Variants in SOX10 observed in about 807,000 individuals in gnomAD.
SOX10 encodes the protein transcription factor SOX-10.
A neutral mutation model predicts 35.0 loss-of-function variants in SOX10; 3 were observed. The ratio of observed to expected loss-of-function variants is 0.09; its 90% confidence interval spans 0.04 to 0.22. The LOEUF (loss-of-function observed/expected upper bound fraction) is 0.22. Among genes scored for constraint, SOX10 ranks in the 10% least tolerant of loss-of-function variants. The probability of loss-of-function intolerance (pLI) is 1.00; values close to 1 mark genes in which losing one functional copy is unlikely to be tolerated. For synonymous variants in SOX10, 285 were observed against 291.0 expected, an observed-to-expected ratio of 0.98 and a Z score of 0.21; for missense variants, 436 against 655.1, an observed-to-expected ratio of 0.67 and a Z score of 3.65.
In SOX10 at chr22:37,973,475, T is replaced by A; in HGVS notation, c.*20A>T. 6.9e-7 allele frequency: 1 copy of A among 1,458,024 alleles called. No homozygotes were observed. Among genetic ancestry groups the A allele is most frequent in the Non-Finnish European group, 9.3e-7 (1 of 1,074,026 alleles). 90.3% of individuals were successfully genotyped at this position (1,458,024 alleles called of 1,614,324 possible). ...CTGGGGGCAGGGGCTGGGCGGGGGG[T>A]GGTGGCGACAGGGCCCCCTTTAGGG... is the stretch of plus-strand genomic sequence containing the variant. On this transcript the variant is annotated 3_prime_UTR_variant, in exon 4 of 4. Coordinates refer to ENST00000396884, the MANE Select transcript of SOX10 (RefSeq NM_006941.4).
In SOX10 at chr22:37,974,241, C is replaced by G. The variant is rs774047263; in HGVS notation, c.698-43G>C. On this transcript the variant is annotated intron_variant, in intron 3 of 3. Transcript: ENST00000396884. The surrounding 1 kb of genome is among the most constrained non-coding windows in gnomAD (Gnocchi z 5.4). ...AGAGAGAGAGAGCGCAAGGGGGAAG[C>G]AGGTTAGAGGCAGGTGGGCGCACGT... 1 of 1,497,690 alleles carries G rather than the reference C, an allele frequency of 6.7e-7. No homozygotes were observed. 92.8% of individuals were successfully genotyped at this position (1,497,690 alleles called of 1,614,324 possible).
chr22:37,978,056 C>A lies in SOX10; in HGVS notation c.508G>T (p.Asp170Tyr). 1 of 1,610,450 alleles carries A rather than the reference C, an allele frequency of 6.2e-7. No individual in the cohort carries two copies. The highest frequency in any genetic ancestry group is 8.5e-7 in the Non-Finnish European group (1 of 1,179,056). ...CGCCGCCTGGGCTGGTACTTGTAGT[C>A]CGGGTGGTCTTTCTTGTGCTGCATA... ...LRMQHKKDHP[D>Y]YKYQPRRRKN... Residue 170 changes from aspartate (D) to tyrosine (Y), a missense_variant, in exon 3 of 4, where the codon GAC becomes TAC. Coordinates refer to ENST00000396884, the MANE Select transcript of SOX10 (RefSeq NM_006941.4). This position sits in a 1 kb window ranked among gnomAD's most constrained non-coding sequence, Gnocchi z 5.0.
intron 2 of SOX10, among the ~76,000 whole-genome samples, chr22:37,979,668 A>C (rs1168939835): frequency 1.3e-5 from 2 of 152,084 alleles, no homozygotes; most frequent in Non-Finnish European, 2.9e-5. Flanking sequence ...GGAGAGAAGA[A>C]GCCCTGAAGC....
intron 2 of SOX10, among the ~76,000 whole-genome samples, chr22:37,979,323 C>G (rs184845501): frequency 3.2e-4 from 48 of 152,224 alleles, no homozygotes; most frequent in African/African-American, 1.1e-3. Context: ...GTCTCCAACT[C>G]CTGACCTCAG....
chr22:37,977,377 G>C (rs1932252887), intron 3 of SOX10, among the ~76,000 whole-genome samples: 1 of 151,042 alleles, frequency 6.6e-6, no homozygotes, highest in East Asian at 2.0e-4. Context: ...CTGGAGTGCA[G>C]TGGCGCGATC....
In SOX10 at chr22:37,983,928, A is replaced by G; in HGVS notation, c.-84-60T>C. On this transcript the variant is annotated intron_variant, in intron 1 of 3. Coordinates refer to ENST00000396884, the MANE Select transcript of SOX10 (RefSeq NM_006941.4). This position sits in a 1 kb window ranked among gnomAD's most constrained non-coding sequence, Gnocchi z 9.5. ...CGCGCAGCCCCGAGGGCGGCCCGAG[A>G]CAGGACGTGGGCACAGCCCCGAGGT... 1.7e-6 allele frequency: 1 copy of G among 582,160 alleles called. No homozygotes were observed. The highest frequency in any genetic ancestry group is 2.5e-6 in the Non-Finnish European group (1 of 398,448). 36.1% of individuals were successfully genotyped at this position (582,160 alleles called of 1,614,324 possible).
intron 2 of SOX10, among the ~76,000 whole-genome samples, chr22:37,981,402 C>T (rs930150529): frequency 2.0e-5 from 3 of 152,224 alleles, no homozygotes; most frequent in African/African-American, 7.2e-5. Flanking sequence ...ATTGGGTCCT[C>T]AGCAAGTAGT....
At chr22:37,982,913 CT>C (rs1159323714) in intron 2 of SOX10, among the ~76,000 whole-genome samples, 3 of 152,212 alleles carry the variant, frequency 2.0e-5, no homozygotes, top group African/African-American at 7.2e-5. Context: ...TAAACCTCCC[CT>C]GAGTTCTCCA....
rs750082298 is a variant in SOX10, at chr22:37,983,835, C to T, written c.-51G>A. On this transcript the variant is annotated 5_prime_UTR_variant, in exon 2 of 4. Coordinates refer to ENST00000396884, the MANE Select transcript of SOX10 (RefSeq NM_006941.4). The surrounding 1 kb of genome is among the most constrained non-coding windows in gnomAD (Gnocchi z 9.5). ...GCCTCGGCCGCCTCCCCCGGGCCAG[C>T]CGCCGGGGTCCTCGCAAAGAGTCCA... is the stretch of plus-strand genomic sequence containing the variant. The T allele has an allele frequency of 8.2e-6, 11 of 1,335,414 alleles. 2 individuals carry two copies. The South Asian group carries it at 1.4e-4, about 17-fold the overall frequency. 82.7% of individuals were successfully genotyped at this position (1,335,414 alleles called of 1,614,324 possible). A position where few individuals can be genotyped will look rare whatever the true frequency, so the allele number is the denominator to read the frequency against.
Position 37,973,792 on chromosome 22 carries a change from G to A in SOX10, c.1104C>T (p.His368=). 1 of 1,596,714 alleles carries A rather than the reference G, an allele frequency of 6.3e-7. No homozygotes were observed. The highest frequency in any genetic ancestry group is 8.6e-7 in the Non-Finnish European group (1 of 1,169,136). Residue 368 remains histidine (H), a synonymous_variant, in exon 4 of 4, where the codon CAC becomes CAT. Coordinates refer to ENST00000396884, the MANE Select transcript of SOX10 (RefSeq NM_006941.4). ...GTGAGGTGGATGGCTGGTCGGTGTA[G>A]TGTGGGGGCCCCTGGGGCCCCGCGG... ...TETAGPQGPP[H]YTDQPSTSQI... is the part of the protein sequence containing the mutation.
At position 37,973,733 on chromosome 22, in the gene SOX10, T is replaced by C. The variant is rs1393362858; in HGVS notation, c.1163A>G (p.Tyr388Cys). The change falls in exon 4 of 4, where the codon TAT (tyrosine) becomes TGT (cysteine). Residue 388 changes from tyrosine (Y) to cysteine (C), a missense_variant. Physicochemically the swap from Tyr to Cys is radical, Grantham distance 194. Around this residue, in one of 3 missense-constraint regions of SOX10, gnomAD observed 285 missense variants for 402.9 expected, o/e 0.71. Transcript: ENST00000396884. ...IAYTSLSLPH[Y>C]GSAFPSISRP... ...GGAGATGGAGGGGAAGGCTGAGCCA[T>C]AGTGGGGCAGGCTGAGGGAGGTGTA... 1.2e-6 allele frequency: 2 copies of C among 1,603,238 alleles called. No individual in the cohort carries two copies. The highest frequency in any genetic ancestry group is 1.1e-5 in the South Asian group (1 of 90,488).
chr22:37,973,378 C>A lies in SOX10; in HGVS notation c.*117G>T. 2.8e-6 allele frequency: 2 copies of A among 702,862 alleles called. No homozygotes were observed. Among genetic ancestry groups the A allele is most frequent in the Non-Finnish European group, 4.6e-6 (2 of 430,614 alleles). The allele number at this position is 702,862 out of a possible 1,614,324, so 43.5% of individuals were successfully genotyped here. A position where few individuals can be genotyped will look rare whatever the true frequency, so the allele number is the denominator to read the frequency against. ...GACAGAAAGCCCCCCGACCTGTCAG[C>A]CTCTTCAGCCTCCTCAGCCTCCTCC... On this transcript the variant is annotated 3_prime_UTR_variant, in exon 4 of 4. Transcript: ENST00000396884.
At chr22:37,977,843 C>G (rs754392075) in intron 3 of SOX10, 24 bp downstream of exon 3, 12 of 1,597,488 alleles carry the variant, frequency 7.5e-6, no homozygotes, top group Non-Finnish European at 9.4e-6. Context: ...TTGCCCCACC[C>G]TCAGCTCTGT....
At position 37,978,286 on chromosome 22, in the gene SOX10, G is replaced by T; in HGVS notation, c.429-151C>A. 1.2e-6 allele frequency: 1 copy of T among 807,370 alleles called. No individual in the cohort carries two copies. Among genetic ancestry groups the T allele is most frequent in the Non-Finnish European group, 1.9e-6 (1 of 531,830 alleles). The allele number at this position is 807,370 out of a possible 1,614,324, so 50.0% of individuals were successfully genotyped here. ...GGACAGGACCCGGGGTGGGGGCTGT[G>T]CCCTATGATTTGTGGACTGAGAGAT... On this transcript the variant is annotated intron_variant, in intron 2 of 3. Coordinates refer to ENST00000396884, the MANE Select transcript of SOX10 (RefSeq NM_006941.4). The surrounding 1 kb of genome is among the most constrained non-coding windows in gnomAD (Gnocchi z 5.0).
rs750940339 is a variant in SOX10 at position 37,974,098 on chromosome 22, G to A, written c.798C>T (p.Gly266=). The A allele has an allele frequency of 4.3e-6, 7 of 1,613,704 alleles. No homozygotes were observed. The highest frequency in any genetic ancestry group is 1.1e-5 in the South Asian group (1 of 91,082). ...PKRDGRSMGE[G]GKPHIDFGNV... ...TGCCGAAGTCGATGTGAGGCTTCCC[G>A]CCCTCCCCCATGGAGCGCCCGTCCC... is the stretch of plus-strand genomic sequence containing the variant. The change falls in exon 4 of 4, where the codon GGC becomes GGT. Residue 266 remains glycine (G), a synonymous_variant. Transcript: ENST00000396884. The surrounding 1 kb of genome is among the most constrained non-coding windows in gnomAD (Gnocchi z 5.4).
At chr22:37,982,406 G>A (rs914661548) in intron 2 of SOX10, among the ~76,000 whole-genome samples, 3 of 152,118 alleles carry the variant, frequency 2.0e-5, no homozygotes, top group South Asian at 2.1e-4. Flanking sequence ...TGGGAGTGGG[G>A]GACTGTCTTG....
chr22:37,973,346 T>C lies in SOX10; in HGVS notation c.*149A>G. 1.6e-6 allele frequency: 1 copy of C among 611,232 alleles called. No individual in the cohort carries two copies. The highest frequency in any genetic ancestry group is 2.9e-6 in the Non-Finnish European group (1 of 350,418). 37.9% of individuals were successfully genotyped at this position (611,232 alleles called of 1,614,324 possible). ...TGGGGCGGGTGGGTCATCAGGGCAGTGAGCCAGACAGAAAGCCCCCCGACC... is the reference window on the plus strand; with the variant it reads ...TGGGGCGGGTGGGTCATCAGGGCAGCGAGCCAGACAGAAAGCCCCCCGACC... On this transcript the variant is annotated 3_prime_UTR_variant, in exon 4 of 4. Transcript: ENST00000396884.
At chr22:37,977,751 G>T in intron 3 of SOX10, 116 bp downstream of exon 3, 1 of 1,164,148 alleles carries the variant, frequency 8.6e-7, no homozygotes, top group Non-Finnish European at 1.2e-6. Flanking sequence ...CTCTGCTGGG[G>T]CAACTGCACA....
rs1932306480 is a variant in SOX10 at position 37,978,861 on chromosome 22, C to T, written c.429-726G>A. On this transcript the variant is annotated intron_variant, in intron 2 of 3. Transcript: ENST00000396884. This position sits in a 1 kb window ranked among gnomAD's most constrained non-coding sequence, Gnocchi z 5.0. ...GTATGATCTCAGCTCACTGCAACCT[C>T]TGCCTCCCAGGTTCAAGTGATTCTT... 6.6e-6 allele frequency among the ~76,000 whole-genome samples: 1 copy of T among 152,164 alleles called. No homozygotes were observed. The highest frequency in any genetic ancestry group is 2.4e-5 in the African/African-American group (1 of 41,434).
Sources: allele counts gnomAD v4.1 joint callset (sites outside exome capture counted in the v4.1 genomes callset), GRCh38; gene constraint gnomAD v4.1.1; regional missense constraint gnomAD v4.1.1; non-coding constraint Gnocchi (gnomAD v3.1); transcripts MANE v1.5; gene names NCBI Gene and HGNC (gene_info 2026-07-23, HGNC 2026-07-21).